Variants in DLGAP2 observed in about 807,000 individuals in gnomAD.
DLGAP2 encodes DLG associated protein 2.
Under a neutral mutation model 100.3 loss-of-function variants are expected in DLGAP2, and 26 were observed. That is an observed-to-expected ratio of 0.26 (90% CI 0.19 to 0.36). The LOEUF (loss-of-function observed/expected upper bound fraction) is 0.36. Among genes scored for constraint, DLGAP2 ranks in the 10% least tolerant of loss-of-function variants. The probability of loss-of-function intolerance (pLI) is 1.00; values close to 1 mark genes in which losing one functional copy is unlikely to be tolerated. For missense variants in DLGAP2, 1,858 were observed against 1,453.2 expected, an observed-to-expected ratio of 1.28 and a Z score of -4.53; for synonymous variants, 886 against 630.1, an observed-to-expected ratio of 1.41 and a Z score of -6.08.
At chr8:747,192 G>A (rs2132565084) in intron 1 of DLGAP2, among the ~76,000 whole-genome samples, 1 of 152,232 alleles carries the variant, frequency 6.6e-6, no homozygotes, top group Non-Finnish European at 1.5e-5. Context: ...GCCTCTGACT[G>A]CTCTTCTGAG....
intron 2 of DLGAP2, among the ~76,000 whole-genome samples, chr8:1,033,715 A>T (rs1563155634): frequency 1.4e-5 from 2 of 141,334 alleles, no homozygotes. Flanking sequence ...GCTCATCCCG[A>T]CCCCGCGTGT....
rs868100455 is a variant in DLGAP2, at chr8:1,298,112, G to A, written c.106+39229G>A. ...ACCACGTGAGACAGGGAGGAGAAAC[G>A]TGGCAGGCGTCAACAGACACCACGT... On this transcript the variant is annotated intron_variant, in intron 3 of 14. Transcript: ENST00000637795. 8.3e-5 allele frequency among the ~76,000 whole-genome samples: 12 copies of A among 144,996 alleles called. 1 individual carries two copies. Among genetic ancestry groups the A allele is most frequent in the African/African-American group, 1.3e-4 (5 of 38,280 alleles).
chr8:1,436,029 A>G (rs1797612542), intron 3 of DLGAP2, among the ~76,000 whole-genome samples: 1 of 152,180 alleles, frequency 6.6e-6, no homozygotes, highest in Non-Finnish European at 1.5e-5. Context: ...ATAAAGTACA[A>G]GAGTTACAGT....
chr8:1,627,814 C>A (rs1156991482), intron 7 of DLGAP2, among the ~76,000 whole-genome samples: 1 of 151,724 alleles, frequency 6.6e-6, no homozygotes, highest in Non-Finnish European at 1.5e-5. Context: ...CACATTCTCT[C>A]TGACTTACTG....
chr8:1,090,124 C>T (rs1245126205), intron 2 of DLGAP2, among the ~76,000 whole-genome samples: 1 of 142,330 alleles, frequency 7.0e-6, no homozygotes, highest in Admixed American at 6.9e-5. Flanking sequence ...ACCCCGAGGA[C>T]CTGCTGCCTG....
In DLGAP2 at chr8:849,588, C is replaced by T. The variant is rs145691417; in HGVS notation, c.19-58324C>T. Among the ~76,000 whole-genome samples the T allele has an allele frequency of 4.5e-4, 68 of 152,276 alleles. No homozygotes were observed. The East Asian group carries it at 9.1e-3, about 20-fold the overall frequency. The stretch of plus-strand genomic sequence containing the variant: ...TACCAGCCTTGCCCGAAGGTTCCAG[C>T]GGTGCAACATCCTTCCAGGACCCCT... On this transcript the variant is annotated intron_variant, in intron 1 of 14. Transcript: ENST00000637795.
chr8:1,295,338 G>A (rs909633547), intron 3 of DLGAP2, among the ~76,000 whole-genome samples: 1 of 152,234 alleles, frequency 6.6e-6, no homozygotes, highest in Non-Finnish European at 1.5e-5. Context: ...GCTTCCTGGT[G>A]ACCGTGGGCC....
At chr8:755,903 G>A (rs945246440) in intron 1 of DLGAP2, among the ~76,000 whole-genome samples, 3 of 152,184 alleles carry the variant, frequency 2.0e-5, no homozygotes, top group African/African-American at 4.8e-5. Context: ...GGAAGGAGGC[G>A]GGTGGAGAGT....
intron 2 of DLGAP2, among the ~76,000 whole-genome samples, chr8:1,214,533 G>C (rs568792466): frequency 6.6e-6 from 1 of 152,228 alleles, no homozygotes; most frequent in Non-Finnish European, 1.5e-5. Flanking sequence ...CCCTAACCCG[G>C]AAGTCAGATC....
intron 3 of DLGAP2, among the ~76,000 whole-genome samples, chr8:1,335,993 G>C (rs1372051310): frequency 1.3e-5 from 2 of 152,148 alleles, no homozygotes; most frequent in Admixed American, 1.3e-4. Flanking sequence ...TTCCGGTAAA[G>C]AGCTCCAGGG....
chr8:1,690,188 T>C (rs569764677), intron 12 of DLGAP2, among the ~76,000 whole-genome samples: 36 of 151,632 alleles, frequency 2.4e-4, no homozygotes, highest in African/African-American at 8.2e-4. Flanking sequence ...AAACGCTGTC[T>C]CTACTAAAAA....
At chr8:843,776 A>G (rs1431640830) in intron 1 of DLGAP2, among the ~76,000 whole-genome samples, 1 of 152,176 alleles carries the variant, frequency 6.6e-6, no homozygotes, top group Non-Finnish European at 1.5e-5. Flanking sequence ...GTAAAGGAGG[A>G]TTTAAAAAGA....
At chr8:1,373,901 A>G (rs1802317740) in intron 3 of DLGAP2, 1 of 152,366 alleles carries the variant, frequency 6.6e-6, no homozygotes, top group African/African-American at 2.4e-5. Flanking sequence ...GTACAAATGG[A>G]ATGAGTGTAA....
chr8:1,142,498 G>A (rs1425810392), intron 2 of DLGAP2, among the ~76,000 whole-genome samples: 1 of 152,178 alleles, frequency 6.6e-6, no homozygotes, highest in Non-Finnish European at 1.5e-5. Context: ...TGAATTATTT[G>A]GGTCTAGTAT....
intron 2 of DLGAP2, among the ~76,000 whole-genome samples, chr8:1,170,530 G>C (rs1485020082): frequency 6.6e-6 from 1 of 150,426 alleles, no homozygotes; most frequent in African/African-American, 2.5e-5. Context: ...TTTTTGGTTG[G>C]TAAGCTATTG....
intron 6 of DLGAP2, among the ~76,000 whole-genome samples, chr8:1,572,465 A>C (rs1802764047): frequency 8.5e-6 from 1 of 118,136 alleles, no homozygotes; most frequent in Non-Finnish European, 1.7e-5. Context: ...GGGGCGTCTG[A>C]TGAGATGGAG....
At chr8:1,614,828 A>G (rs1797097849) in intron 6 of DLGAP2, among the ~76,000 whole-genome samples, 1 of 142,390 alleles carries the variant, frequency 7.0e-6, no homozygotes, top group Non-Finnish European at 1.5e-5. Context: ...GAGCCCACAC[A>G]CACATGCATT....
chr8:973,052 A>G (rs942762751), intron 2 of DLGAP2, among the ~76,000 whole-genome samples: 2 of 152,216 alleles, frequency 1.3e-5, no homozygotes, highest in African/African-American at 4.8e-5. Flanking sequence ...TGATTTCTCT[A>G]TCTTTTCACC....
intron 2 of DLGAP2, among the ~76,000 whole-genome samples, chr8:934,316 G>C (rs1449792815): frequency 7.7e-6 from 1 of 129,348 alleles, no homozygotes. Flanking sequence ...GGGAGGGTGA[G>C]GGCAGAGCCT....
Sources: allele counts gnomAD v4.1 joint callset (sites outside exome capture counted in the v4.1 genomes callset), GRCh38; gene constraint gnomAD v4.1.1; transcripts MANE v1.5; gene names NCBI Gene and HGNC (gene_info 2026-07-23, HGNC 2026-07-21).